Variants in INPP5A observed in about 807,000 individuals in gnomAD.
INPP5A encodes 43 kDa inositol polyphosphate 5-phophatase.
Under a neutral mutation model 65.2 loss-of-function variants are expected in INPP5A, and 14 were observed. The ratio of observed to expected loss-of-function variants is 0.21; its 90% CI spans 0.14 to 0.34. The LOEUF (loss-of-function observed/expected upper bound fraction) is 0.34, where lower values mean the gene tolerates loss of function less well. Among genes scored for constraint, INPP5A ranks in the 10% least tolerant of loss-of-function variants. INPP5A has a pLI of 1.00. For synonymous variants in INPP5A, 207 were observed against 208.3 expected, an observed-to-expected ratio of 0.99 and a Z score of 0.05; for missense variants, 431 against 545.6, an observed-to-expected ratio of 0.79 and a Z score of 2.09.
At chr10:132,568,401 T>G (rs2071297748) in intron 1 of INPP5A, among the ~76,000 whole-genome samples, 1 of 151,986 alleles carries the variant, frequency 6.6e-6, no homozygotes, top group Admixed American at 6.6e-5. Flanking sequence ...CTGCCTTCAA[T>G]TAAAGCCTCA....
chr10:132,554,405 G>A (rs1470923818), intron 1 of INPP5A, among the ~76,000 whole-genome samples: 2 of 152,162 alleles, frequency 1.3e-5, no homozygotes, highest in Admixed American at 6.5e-5. Flanking sequence ...GGCAAGTGGC[G>A]GGGCTGGGTT....
Position 132,697,835 on chromosome 10 carries a change from C to G in INPP5A, c.390C>G (p.Val130=), listed in dbSNP as rs1261748584. 1 of 1,611,948 alleles carries G rather than the reference C, an allele frequency of 6.2e-7. No individual in the cohort carries two copies. Among genetic ancestry groups the G allele is most frequent in the East Asian group, 2.2e-5 (1 of 44,842 alleles). ...FDFKAKKYRK[V]AGKEIYSDTL... ...TTCCAGCTAAGAAGTATAGAAAGGT[C>G]GCTGGCAAAGAGATCTACTCGGATA... Residue 130 remains valine (V), a synonymous_variant, in exon 6 of 16, where the codon GTC becomes GTG. Coordinates refer to ENST00000368594, the MANE Select transcript of INPP5A (RefSeq NM_005539.5). This position sits in a 1 kb window ranked among gnomAD's most constrained non-coding sequence, Gnocchi z 5.6.
At position 132,675,631 on chromosome 10, in the gene INPP5A, G is replaced by A. The variant is rs941061733; in HGVS notation, c.307-14761G>A. Among the ~76,000 whole-genome samples the A allele has an allele frequency of 2.6e-5, 4 of 152,234 alleles. No homozygotes were observed. The highest frequency in any genetic ancestry group is 5.9e-5 in the Non-Finnish European group (4 of 68,046). ...CATTCCCACGGGGATATTCCCACGCGGAGAACTGGGACCCCGATCAGGGTC... is the reference window on the plus strand; with the variant it reads ...CATTCCCACGGGGATATTCCCACGCAGAGAACTGGGACCCCGATCAGGGTC... On this transcript the variant is annotated intron_variant, in intron 4 of 15. Transcript: ENST00000368594. This position sits in a 1 kb window ranked among gnomAD's most constrained non-coding sequence, Gnocchi z 4.2.
In INPP5A at chr10:132,659,354, G is replaced by A. The variant is rs1445371311; in HGVS notation, c.306+8849G>A. 6.6e-6 allele frequency among the ~76,000 whole-genome samples: 1 copy of A among 152,224 alleles called. No individual in the cohort carries two copies. On this transcript the variant is annotated intron_variant, in intron 4 of 15. Coordinates refer to ENST00000368594, the MANE Select transcript of INPP5A (RefSeq NM_005539.5). The surrounding 1 kb of genome is among the most constrained non-coding windows in gnomAD (Gnocchi z 5.5). Reference sequence around the variant, plus strand: ...GCCCGTAGCTCTGGGGCTGGTCCTGGCCATCTAGCCATGGGACCATGGGCA... The same window carrying A: ...GCCCGTAGCTCTGGGGCTGGTCCTGACCATCTAGCCATGGGACCATGGGCA...
chr10:132,662,925 G>C (rs1590905775), intron 4 of INPP5A, among the ~76,000 whole-genome samples: 1 of 152,356 alleles, frequency 6.6e-6, no homozygotes, highest in African/African-American at 2.4e-5. Flanking sequence ...GACTCATCCA[G>C]TTACACGTCA....
chr10:132,728,290 A>G (rs948076308), intron 9 of INPP5A, among the ~76,000 whole-genome samples: 5 of 152,218 alleles, frequency 3.3e-5, no homozygotes, highest in Non-Finnish European at 7.3e-5. Flanking sequence ...AGTCCTTTCC[A>G]TCCCGCTGCT....
chr10:132,727,762 T>C lies in INPP5A; in HGVS notation c.732+857T>C, dbSNP rs539112947. Among the ~76,000 whole-genome samples the C allele has an allele frequency of 5.3e-5, 8 of 152,016 alleles. No homozygotes were observed. On this transcript the variant is annotated intron_variant, in intron 9 of 15. Coordinates refer to ENST00000368594, the MANE Select transcript of INPP5A (RefSeq NM_005539.5). This position sits in a 1 kb window ranked among gnomAD's most constrained non-coding sequence, Gnocchi z 6.5. Reference sequence around the variant, plus strand: ...CAGCCCACAGCGGGGCCACAGTAAGTTGGATGGGGCCACGGTGAGTCAGAT... The same window carrying C: ...CAGCCCACAGCGGGGCCACAGTAAGCTGGATGGGGCCACGGTGAGTCAGAT...
At position 132,782,087 on chromosome 10, in the gene INPP5A, C is replaced by T. The variant is rs772274290; in HGVS notation, c.*58C>T. On this transcript the variant is annotated 3_prime_UTR_variant, in exon 16 of 16. Coordinates refer to ENST00000368594, the MANE Select transcript of INPP5A (RefSeq NM_005539.5). This position sits in a 1 kb window ranked among gnomAD's most constrained non-coding sequence, Gnocchi z 4.4. ...GACACTTCGTGAGCCTCCCTGTAGC[C>T]GTGGACCGAATACGCACTCTTGAAA... The T allele has an allele frequency of 4.1e-4, 632 of 1,543,356 alleles. 1 individual carries two copies. Among genetic ancestry groups the T allele is most frequent in the Non-Finnish European group, 5.3e-4 (606 of 1,141,210 alleles).
chr10:132,619,874 G>T (rs2072088223), intron 2 of INPP5A, among the ~76,000 whole-genome samples: 1 of 152,210 alleles, frequency 6.6e-6, no homozygotes, highest in Non-Finnish European at 1.5e-5. Flanking sequence ...GGCCAGGCTT[G>T]TCTTGAACTC....
intron 2 of INPP5A, among the ~76,000 whole-genome samples, chr10:132,625,809 G>A (rs1359651974): frequency 2.6e-5 from 4 of 151,734 alleles, no homozygotes; most frequent in Non-Finnish European, 5.9e-5. Flanking sequence ...ACTCACCTGA[G>A]GCTGCTTCTC....
chr10:132,613,251 A>G (rs763266949), intron 2 of INPP5A, among the ~76,000 whole-genome samples: 2 of 151,684 alleles, frequency 1.3e-5, no homozygotes, highest in African/African-American at 2.4e-5. Context: ...GCCACGGCCC[A>G]CAGGACCCCC....
At chr10:132,716,061 A>G (rs1205680040) in intron 8 of INPP5A, among the ~76,000 whole-genome samples, 1 of 152,148 alleles carries the variant, frequency 6.6e-6, no homozygotes, top group South Asian at 2.1e-4. Context: ...CAGCTGATCC[A>G]TGGCTGCGAT....
intron 4 of INPP5A, among the ~76,000 whole-genome samples, chr10:132,683,293 G>A (rs1431631671): frequency 7.0e-6 from 1 of 142,120 alleles, no homozygotes; most frequent in Admixed American, 7.1e-5. Context: ...ACGTGCACAC[G>A]TGTGTGTTAT....
intron 9 of INPP5A, among the ~76,000 whole-genome samples, chr10:132,734,651 G>A (rs1200038929): frequency 2.6e-5 from 4 of 152,318 alleles, no homozygotes; most frequent in East Asian, 1.9e-4. Context: ...TGAGGGTACC[G>A]CCTGCCCTCA....
At chr10:132,780,029 G>A (rs139263448) in intron 13 of INPP5A, among the ~76,000 whole-genome samples, 227 of 152,376 alleles carry the variant, frequency 1.5e-3, no homozygotes, top group African/African-American at 5.3e-3. Context: ...CGGAGGCGCC[G>A]CTTCACCCGC....
intron 8 of INPP5A, among the ~76,000 whole-genome samples, chr10:132,720,004 T>G (rs1468481482): frequency 6.7e-6 from 1 of 149,872 alleles, no homozygotes; most frequent in African/African-American, 2.5e-5. Flanking sequence ...CAGGGTTCTG[T>G]GGTGCCTGGG....
At chr10:132,763,467 A>G (rs953754960) in intron 11 of INPP5A, among the ~76,000 whole-genome samples, 1 of 152,230 alleles carries the variant, frequency 6.6e-6, no homozygotes, top group African/African-American at 2.4e-5. Flanking sequence ...CTGTGTGTGA[A>G]TGTATCTGAG....
chr10:132,714,183 C>A (rs761874606), intron 8 of INPP5A, among the ~76,000 whole-genome samples: 1 of 152,228 alleles, frequency 6.6e-6, no homozygotes, highest in Non-Finnish European at 1.5e-5. Context: ...AAGAAAGCAG[C>A]CTTTGGGCTT....
At chr10:132,770,366 C>T (rs184503844) in intron 12 of INPP5A, among the ~76,000 whole-genome samples, 150 of 152,334 alleles carry the variant, frequency 9.8e-4, no homozygotes, top group African/African-American at 3.4e-3. Flanking sequence ...TCGCGGAGGC[C>T]GTGGTGCTGT....
Sources: gnomAD v4.1 joint callset for allele counts (sites outside exome capture counted in the v4.1 genomes callset) on GRCh38, gnomAD v4.1.1 for gene constraint, Gnocchi (gnomAD v3.1) non-coding constraint, MANE v1.5 for transcripts, NCBI Gene and HGNC (gene_info 2026-07-23, HGNC 2026-07-21) for gene names.